The following MIPOL1 variants were observed in gnomAD, a reference collection of about 807,000 sequenced individuals.
MIPOL1 encodes mirror-image polydactyly 1.
A neutral mutation model predicts 60.9 loss-of-function variants in MIPOL1; 57 were observed. The ratio of observed to expected loss-of-function variants is 0.94; its 90% confidence interval spans 0.76 to 1.17. The LOEUF (loss-of-function observed/expected upper bound fraction) is 1.17, where lower values mean the gene tolerates loss of function less well. MIPOL1 is among the 50% of genes most tolerant of loss of function. MIPOL1 has a pLI of 0.00. For missense variants in MIPOL1, 551 were observed against 511.6 expected (o/e 1.08, Z -0.74); for synonymous variants, 179 against 168.8 (o/e 1.06, Z -0.47).
intron 11 of MIPOL1, among the ~76,000 whole-genome samples, chr14:37,470,261 A>G (rs1594541211): frequency 6.6e-6 from 1 of 152,064 alleles, no homozygotes; most frequent in African/African-American, 2.4e-5. Flanking sequence ...GCTGGAGAGA[A>G]ATACCTCAGA....
At chr14:37,542,628 C>T (rs1338838455) in intron 12 of MIPOL1, among the ~76,000 whole-genome samples, 1 of 152,156 alleles carries the variant, frequency 6.6e-6, no homozygotes, top group Non-Finnish European at 1.5e-5. Context: ...TCCTTCAACA[C>T]TTAGGCATCA....
chr14:37,365,603 G>A (rs779446598), intron 9 of MIPOL1, among the ~76,000 whole-genome samples: 4 of 151,896 alleles, frequency 2.6e-5, no homozygotes, highest in South Asian at 2.1e-4. Context: ...TGTTGACCAC[G>A]TTTGCTAGTA....
intron 7 of MIPOL1, among the ~76,000 whole-genome samples, chr14:37,302,408 C>T (rs1387704843): frequency 3.3e-5 from 5 of 150,688 alleles, no homozygotes; most frequent in African/African-American, 9.7e-5. Context: ...TGCATATCTT[C>T]TTTGGTAAAG....
At chr14:37,407,636 A>G (rs2093609695) in intron 10 of MIPOL1, among the ~76,000 whole-genome samples, 2 of 152,060 alleles carry the variant, frequency 1.3e-5, no homozygotes, top group Non-Finnish European at 2.9e-5. Flanking sequence ...TTCTTATTTA[A>G]ATAATTATTA....
At chr14:37,280,585 T>C (rs2153404216) in intron 6 of MIPOL1, among the ~76,000 whole-genome samples, 1 of 152,318 alleles carries the variant, frequency 6.6e-6, no homozygotes, top group South Asian at 2.1e-4. Flanking sequence ...TAAGCTTTCT[T>C]TATATAACTG....
chr14:37,286,725 T>C (rs1490155933), intron 7 of MIPOL1, among the ~76,000 whole-genome samples: 1 of 152,120 alleles, frequency 6.6e-6, no homozygotes, highest in Non-Finnish European at 1.5e-5. Context: ...CTTCATTTTT[T>C]TTGAAGATTG....
chr14:37,212,810 T>C (rs909853141), intron 1 of MIPOL1, among the ~76,000 whole-genome samples: 16 of 152,182 alleles, frequency 1.1e-4, no homozygotes, highest in African/African-American at 3.6e-4. Context: ...ATAGTCATAG[T>C]GGTGGTGGCC....
chr14:37,423,109 A>G (rs2093904500), intron 11 of MIPOL1, among the ~76,000 whole-genome samples, 160 bp downstream of exon 11: 1 of 151,832 alleles, frequency 6.6e-6, no homozygotes. Context: ...TATAGTATTT[A>G]TTATTCTACC....
chr14:37,239,562 T>C (rs1972036157), intron 1 of MIPOL1, among the ~76,000 whole-genome samples: 1 of 152,180 alleles, frequency 6.6e-6, no homozygotes, highest in Admixed American at 6.5e-5. Flanking sequence ...AAATTTATAG[T>C]TGAAATTATA....
At chr14:37,444,361 T>C (rs1337048146) in intron 11 of MIPOL1, among the ~76,000 whole-genome samples, 1 of 152,166 alleles carries the variant, frequency 6.6e-6, no homozygotes, top group African/African-American at 2.4e-5. Context: ...TACAGATTGC[T>C]GAAAACAATT....
intron 9 of MIPOL1, among the ~76,000 whole-genome samples, chr14:37,323,793 T>A (rs2153448844): frequency 6.6e-6 from 1 of 152,122 alleles, no homozygotes. Flanking sequence ...CCCAAACAAC[T>A]TTTCTGATTT....
At chr14:37,463,909 A>C (rs1006600793) in intron 11 of MIPOL1, among the ~76,000 whole-genome samples, 1 of 152,190 alleles carries the variant, frequency 6.6e-6, no homozygotes, top group African/African-American at 2.4e-5. Context: ...CAAATAGCTC[A>C]ACAACAACAA....
intron 9 of MIPOL1, among the ~76,000 whole-genome samples, chr14:37,328,478 A>G (rs2089390794): frequency 6.6e-6 from 1 of 152,132 alleles, no homozygotes; most frequent in Non-Finnish European, 1.5e-5. Flanking sequence ...ATATGTTACT[A>G]CTTTTGTAAC....
At chr14:37,442,541 C>T (rs1388741277) in intron 11 of MIPOL1, among the ~76,000 whole-genome samples, 1 of 151,868 alleles carries the variant, frequency 6.6e-6, no homozygotes, top group African/African-American at 2.4e-5. Flanking sequence ...GAGTTATGTT[C>T]CTTTGATGCC....
At chr14:37,427,730 A>G (rs2093989303) in intron 11 of MIPOL1, among the ~76,000 whole-genome samples, 1 of 152,182 alleles carries the variant, frequency 6.6e-6, no homozygotes, top group South Asian at 2.1e-4. Context: ...AGTTTCCTGC[A>G]AGCTCAAAGT....
At chr14:37,254,099 C>T (rs1184291324) in intron 3 of MIPOL1, among the ~76,000 whole-genome samples, 1 of 151,734 alleles carries the variant, frequency 6.6e-6, no homozygotes, top group Non-Finnish European at 1.5e-5. Context: ...TTTAGGAATA[C>T]TGGCAGCTGG....
chr14:37,329,910 A>G (rs1298006206), intron 9 of MIPOL1, among the ~76,000 whole-genome samples: 1 of 152,132 alleles, frequency 6.6e-6, no homozygotes, highest in Non-Finnish European at 1.5e-5. Flanking sequence ...TTACAATGGT[A>G]TTATTTACTG....
At chr14:37,501,741 C>T (rs1162863396) in intron 12 of MIPOL1, 1 of 152,184 alleles carries the variant, frequency 6.6e-6, no homozygotes, top group Non-Finnish European at 1.5e-5. Flanking sequence ...CTCGTTGGGA[C>T]TGGTTGGACA....
chr14:37,238,599 T>G (rs1324548070), intron 1 of MIPOL1, among the ~76,000 whole-genome samples: 1 of 152,162 alleles, frequency 6.6e-6, no homozygotes, highest in Non-Finnish European at 1.5e-5. Flanking sequence ...TTGCAGGTAG[T>G]AATCATGATT....
Sources: gnomAD v4.1 joint callset for allele counts (sites outside exome capture counted in the v4.1 genomes callset) on GRCh38, gnomAD v4.1.1 for gene constraint, MANE v1.5 for transcripts, NCBI Gene and HGNC (gene_info 2026-07-23, HGNC 2026-07-21) for gene names.